Variants in ARHGEF18 observed in about 807,000 individuals in gnomAD.
ARHGEF18 encodes rho guanine nucleotide exchange factor 18.
Under a neutral mutation model 155.7 loss-of-function variants are expected in ARHGEF18, and 93 were observed. The ratio of observed to expected loss-of-function variants is 0.60; its 90% CI spans 0.50 to 0.71. ARHGEF18 has a LOEUF of 0.71. Among genes scored for constraint, ARHGEF18 ranks in the 30% least tolerant of loss-of-function variants. The pLI is 0.00. For missense variants in ARHGEF18, 1,593 were observed against 1,816.1 expected (o/e 0.88, Z 2.23); for synonymous variants, 742 against 753.1 (o/e 0.99, Z 0.24).
intron 10 of ARHGEF18, 123 bp downstream of exon 10, chr19:7,383,326 TC>T: frequency 2.7e-6 from 3 of 1,118,520 alleles, no homozygotes; most frequent in Non-Finnish European, 2.3e-6. Context: ...TGCCCTCTCC[TC>T]GGCGGCTCCC....
chr19:7,361,085 T>A (rs1330339271), intron 1 of ARHGEF18, among the ~76,000 whole-genome samples: 1 of 152,182 alleles, frequency 6.6e-6, no homozygotes, highest in African/African-American at 2.4e-5. Flanking sequence ...AACAAAAAAC[T>A]TTTTAGGAAC....
Position 7,470,082 on chromosome 19 carries a change from C to T in ARHGEF18, c.3914-44C>T, listed in dbSNP as rs755258119. 1 of 1,611,348 alleles carries T rather than the reference C, an allele frequency of 6.2e-7. No individual in the cohort carries two copies. Among genetic ancestry groups the T allele is most frequent in the Admixed American group, 1.7e-5 (1 of 59,852 alleles). ...CAGTCCCAGGGCAGCGGGGCTGCGG[C>T]ACCACCCGGCGACTGCTCAGTCTGA... is the stretch of plus-strand genomic sequence containing the variant. On this transcript the variant is annotated intron_variant, in intron 28 of 28. Transcript: ENST00000668164. This position sits in a 1 kb window ranked among gnomAD's most constrained non-coding sequence, Gnocchi z 5.9.
intron 10 of ARHGEF18, among the ~76,000 whole-genome samples, chr19:7,417,291 G>A (rs932007975): frequency 1.6e-4 from 24 of 152,016 alleles, no homozygotes; most frequent in African/African-American, 5.1e-4. Flanking sequence ...CTTACCACCT[G>A]TAATTCTAGC....
At chr19:7,478,020 T>C in the ARHGEF18 span, among the ~76,000 whole-genome samples, 3 of 152,132 alleles carry the variant, frequency 2.0e-5, no homozygotes, top group Non-Finnish European at 4.4e-5. Context: ...AGACCCTGTC[T>C]CAAAAAACAA....
At chr19:7,476,832 G>C (rs551103655), downstream of ARHGEF18, 80 of 214,780 alleles carry the variant, frequency 3.7e-4, no homozygotes, top group Middle Eastern at 1.6e-3. Context: ...AGGGTAAGGG[G>C]CCAGGAGCCA....
In ARHGEF18 at chr19:7,366,512, C is replaced by G. The variant is rs1969892545; in HGVS notation, c.15+3607C>G. On this transcript the variant is annotated intron_variant, in intron 2 of 28. Coordinates refer to ENST00000668164, the MANE Select transcript of ARHGEF18 (RefSeq NM_001367823.1). ...AGCTCCTACTCAGTCCTCAGACCTTCACTTGCTGCCATTTCCTCCAGGAAG... is the reference window on the plus strand; with the variant it reads ...AGCTCCTACTCAGTCCTCAGACCTTGACTTGCTGCCATTTCCTCCAGGAAG... Among the ~76,000 whole-genome samples the G allele has an allele frequency of 2.6e-5, 4 of 152,354 alleles. 1 individual carries two copies. The South Asian group carries it at 8.3e-4, about 32-fold the overall frequency.
chr19:7,477,489 C>T, the ARHGEF18 span: 520 of 1,341,038 alleles, frequency 3.9e-4, 1 homozygote, highest in African/African-American at 6.3e-3. Context: ...GCCTGCCCTT[C>T]CCAAGCCCCT....
intron 13 of ARHGEF18, among the ~76,000 whole-genome samples, chr19:7,442,411 T>C (rs1181723647): frequency 6.6e-6 from 1 of 152,102 alleles, no homozygotes; most frequent in Non-Finnish European, 1.5e-5. Context: ...TTTTTTTATT[T>C]TCTGTAGAGT....
downstream of ARHGEF18, chr19:7,476,957 T>G (rs914619214): frequency 9.7e-6 from 4 of 412,632 alleles, no homozygotes; most frequent in Non-Finnish European, 1.7e-5. Flanking sequence ...TTGATTTGGA[T>G]ACAAGACGCC....
intron 10 of ARHGEF18, among the ~76,000 whole-genome samples, chr19:7,405,299 G>A (rs755345159): frequency 6.6e-6 from 1 of 152,144 alleles, no homozygotes; most frequent in South Asian, 2.1e-4. Context: ...GGGATTCCTC[G>A]GCTTGTAGCC....
At chr19:7,376,880 G>A in intron 5 of ARHGEF18, 123 bp downstream of exon 5, 1 of 661,942 alleles carries the variant, frequency 1.5e-6, no homozygotes, top group East Asian at 3.5e-5. Flanking sequence ...TGGGGCTCCA[G>A]ATGGGCCCCA....
chr19:7,413,294 CTTTT>C (rs71179106), intron 10 of ARHGEF18, among the ~76,000 whole-genome samples: 1 of 138,290 alleles, frequency 7.2e-6, no homozygotes, highest in Non-Finnish European at 1.6e-5. Context: ...AAACAAAAAG[CTTTT>C]TTTTTTTTTT....
chr19:7,408,831 C>G (rs943036419), intron 10 of ARHGEF18, among the ~76,000 whole-genome samples: 1 of 152,082 alleles, frequency 6.6e-6, no homozygotes, highest in Non-Finnish European at 1.5e-5. Flanking sequence ...CACTTGAACC[C>G]AAGAGTTCAA....
At chr19:7,376,908 G>A (rs1013690354) in intron 5 of ARHGEF18, among the ~76,000 whole-genome samples, 151 bp downstream of exon 5, 3 of 152,146 alleles carry the variant, frequency 2.0e-5, no homozygotes, top group Non-Finnish European at 2.9e-5. Context: ...GAAGGGAGCT[G>A]GCTTAGGGTC....
At chr19:7,390,547 G>GA (rs1236060837) in intron 10 of ARHGEF18, 1 of 138,812 alleles carries the variant, frequency 7.2e-6, no homozygotes. Flanking sequence ...GAAAAGAAAA[G>GA]AAAGAAAAAT....
chr19:7,389,804 C>T (rs1040641944), intron 10 of ARHGEF18, among the ~76,000 whole-genome samples: 1 of 152,146 alleles, frequency 6.6e-6, no homozygotes, highest in African/African-American at 2.4e-5. Flanking sequence ...ATCCAGCCCA[C>T]TCTCAGGGTG....
In ARHGEF18 at chr19:7,472,417, G is replaced by A. The variant is rs574910850; in HGVS notation, c.*2119G>A. 1.3e-5 allele frequency: 2 copies of A among 155,708 alleles called. No individual in the cohort carries two copies. Among genetic ancestry groups the A allele is most frequent in the African/African-American group, 4.8e-5 (2 of 41,588 alleles). 9.6% of individuals were successfully genotyped at this position (155,708 alleles called of 1,614,324 possible). A position where few individuals can be genotyped will look rare whatever the true frequency, so the allele number is the denominator to read the frequency against. On this transcript the variant is annotated 3_prime_UTR_variant, in exon 29 of 29. Transcript: ENST00000668164. ...TGATTACAACATTTCCTCACTGCGG[G>A]ATATTTCTGACCCGCTTTAGAACTT...
intron 18 of ARHGEF18, among the ~76,000 whole-genome samples, chr19:7,457,765 C>T (rs976456933): frequency 6.6e-6 from 1 of 152,076 alleles, no homozygotes; most frequent in African/African-American, 2.4e-5. Flanking sequence ...GTGTAGCCCA[C>T]TCTAGCCAGT....
At chr19:7,455,721 T>C (rs1367783476) in intron 17 of ARHGEF18, among the ~76,000 whole-genome samples, 5 of 152,208 alleles carry the variant, frequency 3.3e-5, no homozygotes, top group Admixed American at 2.6e-4. Flanking sequence ...AGAGGTTTAA[T>C]GGACTTAAAC....
Sources: gnomAD v4.1 joint callset for allele counts (sites outside exome capture counted in the v4.1 genomes callset) on GRCh38, gnomAD v4.1.1 for gene constraint, Gnocchi (gnomAD v3.1) non-coding constraint, MANE v1.5 for transcripts, NCBI Gene and HGNC (gene_info 2026-07-23, HGNC 2026-07-21) for gene names.